The following ERLIN1 variants were observed in gnomAD, a reference collection of about 807,000 sequenced individuals.
ERLIN1 encodes ER lipid raft associated 1.
ERLIN1 carries 24 observed loss-of-function variants against 46.9 expected under a neutral mutation model. The ratio of observed to expected loss-of-function variants is 0.51; its 90% CI spans 0.37 to 0.72. ERLIN1 has a LOEUF of 0.72. ERLIN1 is among the 30% of genes least tolerant of loss of function. The probability of loss-of-function intolerance (pLI) is 0.00; values close to 1 mark genes in which losing one functional copy is unlikely to be tolerated. For missense variants in ERLIN1, 293 were observed against 417.9 expected, an observed-to-expected ratio of 0.70 and a Z score of 2.61; for synonymous variants, 158 against 143.2, an observed-to-expected ratio of 1.10 and a Z score of -0.74.
chr10:100,184,629 C>T (rs4919432), intron 1 of ERLIN1, among the ~76,000 whole-genome samples: 16,929 of 152,156 alleles, frequency 0.11, 1,363 homozygotes, highest in East Asian at 0.33. Context: ...TGAGTCATTC[C>T]TTGAAATGTC....
At chr10:100,172,707 AC>A (rs1187446650) in intron 6 of ERLIN1, among the ~76,000 whole-genome samples, 20 of 152,218 alleles carry the variant, frequency 1.3e-4, no homozygotes, top group Non-Finnish European at 1.5e-5. Context: ...AATTATTTGC[AC>A]ATATTGCTGT....
intron 2 of ERLIN1, among the ~76,000 whole-genome samples, chr10:100,181,340 CATATA>C (rs1275286382): frequency 2.0e-5 from 3 of 152,090 alleles, no homozygotes; most frequent in Non-Finnish European, 4.4e-5. Context: ...TGAAGGTTTT[CATATA>C]ATTTCTCCAT....
In ERLIN1 at chr10:100,175,974, G is replaced by C; in HGVS notation, c.401C>G (p.Thr134Arg). The change falls in exon 5 of 11, where the codon ACA becomes AGA. Residue 134 changes from threonine (T) to arginine (R), a missense_variant. Coordinates refer to ENST00000421367, the MANE Select transcript of ERLIN1 (RefSeq NM_006459.4). ...CAATTCAATGTAAACTTCCTGAAGT[G>C]TGTGGGCACTGCAGAACTGGTTCAG... is the stretch of plus-strand genomic sequence containing the variant. ...HELNQFCSAHTLQEVYIELFD... is the reference protein window; with the variant it reads ...HELNQFCSAHRLQEVYIELFD... The C allele has an allele frequency of 6.2e-7, 1 of 1,613,468 alleles. No homozygotes were observed. The highest frequency in any genetic ancestry group is 8.5e-7 in the Non-Finnish European group (1 of 1,179,540).
intron 8 of ERLIN1, 110 bp downstream of exon 8, chr10:100,163,894 A>G (rs921619634): frequency 4.4e-6 from 3 of 678,858 alleles, no homozygotes; most frequent in Non-Finnish European, 7.6e-6. Context: ...AGAATTCCCC[A>G]CTACCTATGA....
chr10:100,180,919 C>A (rs1844604906), intron 2 of ERLIN1, among the ~76,000 whole-genome samples: 1 of 152,008 alleles, frequency 6.6e-6, no homozygotes, highest in South Asian at 2.1e-4. Context: ...GCTGTCAATC[C>A]AGACATAATA....
intron 7 of ERLIN1, 147 bp downstream of exon 7, chr10:100,167,201 T>C: frequency 1.5e-6 from 1 of 668,262 alleles, no homozygotes; most frequent in Admixed American, 2.9e-5. Flanking sequence ...GACACAAGAA[T>C]AGGCAATATT....
rs1369544800 is a variant in ERLIN1 at position 100,150,920 on chromosome 10, G to C, written c.*1211C>G. ...AATTCACTGGCTGCCCAGGACGTCA[G>C]TGGAATCCTGATCTCCTGGGGGAGG... On this transcript the variant is annotated 3_prime_UTR_variant, in exon 11 of 11. Transcript: ENST00000421367. The C allele has an allele frequency of 2.0e-5, 3 of 152,238 alleles. No individual in the cohort carries two copies. The highest frequency in any genetic ancestry group is 4.4e-5 in the Non-Finnish European group (3 of 68,046). 9.4% of individuals were successfully genotyped at this position (152,238 alleles called of 1,614,324 possible). A position where few individuals can be genotyped will look rare whatever the true frequency, so the allele number is the denominator to read the frequency against.
Position 100,164,073 on chromosome 10 carries a change from G to T in ERLIN1, c.586C>A (p.Leu196Ile). Residue 196 changes from leucine (L) to isoleucine (I), a missense_variant, in exon 8 of 11, where the codon CTT (leucine) becomes ATT (isoleucine). Leu to Ile is a conservative substitution (Grantham distance 5, BLOSUM62 2). Transcript: ENST00000421367. Reference protein sequence around the residue: ...ELMEAEKTKLLIAAQKQKVVE... With the variant: ...ELMEAEKTKLIIAAQKQKVVE... ...ACCTTTTGTTTCTGTGCAGCTATAAGGAGTTTTGTCTTCTCAGCCTCCCTG... is the reference window on the plus strand; with the variant it reads ...ACCTTTTGTTTCTGTGCAGCTATAATGAGTTTTGTCTTCTCAGCCTCCCTG... 1.2e-6 allele frequency: 2 copies of T among 1,613,062 alleles called. No individual in the cohort carries two copies. Among genetic ancestry groups the T allele is most frequent in the Non-Finnish European group, 1.7e-6 (2 of 1,179,414 alleles).
At chr10:100,156,533 A>G (rs1035314162) in intron 8 of ERLIN1, among the ~76,000 whole-genome samples, 2 of 152,238 alleles carry the variant, frequency 1.3e-5, no homozygotes, top group Non-Finnish European at 2.9e-5. Context: ...TGGGAAAAAA[A>G]GATACTTTAT....
intron 8 of ERLIN1, among the ~76,000 whole-genome samples, chr10:100,160,077 G>C (rs1325679463): frequency 6.6e-6 from 1 of 152,008 alleles, no homozygotes; most frequent in Non-Finnish European, 1.5e-5. Flanking sequence ...TTTGGTAGAG[G>C]TTTTAAAAAT....
rs990076369 is a variant in ERLIN1 at position 100,186,000 on chromosome 10, G to A, written c.-374C>T. 1.6e-5 allele frequency: 7 copies of A among 425,004 alleles called. No homozygotes were observed. The highest frequency in any genetic ancestry group is 2.9e-5 in the Non-Finnish European group (7 of 242,376). The allele number at this position is 425,004 out of a possible 1,614,324, so 26.3% of individuals were successfully genotyped here. ...ATCGCCCCCGCCCGCACGTGCAGCC[G>A]ACTCCCGCGCCGAGCCAACCGCCGC... On this transcript the variant is annotated 5_prime_UTR_variant, in exon 1 of 11. Transcript: ENST00000421367.
chr10:100,156,404 AAT>A (rs1843084257), intron 8 of ERLIN1, among the ~76,000 whole-genome samples, 170 bp from the exon 9 acceptor site: 1 of 152,192 alleles, frequency 6.6e-6, no homozygotes, highest in African/African-American at 2.4e-5. Flanking sequence ...GAAAAAAGGG[AAT>A]TTATTTCCTA....
At chr10:100,156,734 C>T (rs1843100136) in intron 8 of ERLIN1, among the ~76,000 whole-genome samples, 1 of 152,102 alleles carries the variant, frequency 6.6e-6, no homozygotes, top group Admixed American at 6.5e-5. Context: ...CAAGAAGGGC[C>T]AGTCATGGTG....
chr10:100,185,455 A>T, intron 1 of ERLIN1, 59 bp downstream of exon 1: 3 of 1,315,182 alleles, frequency 2.3e-6, no homozygotes, highest in East Asian at 2.3e-5. Context: ...CCCAGACTCC[A>T]CTCTGGAGTA....
chr10:100,180,968 G>T (rs893173485), intron 2 of ERLIN1, among the ~76,000 whole-genome samples: 1 of 152,154 alleles, frequency 6.6e-6, no homozygotes, highest in African/African-American at 2.4e-5. Flanking sequence ...AAAATTCCAG[G>T]AGGGGAAAGA....
chr10:100,158,613 A>G (rs1843195817), intron 8 of ERLIN1, among the ~76,000 whole-genome samples: 2 of 152,232 alleles, frequency 1.3e-5, no homozygotes, highest in Non-Finnish European at 2.9e-5. Flanking sequence ...GTCAATCAAA[A>G]TAAGTGTTTA....
rs777987600 is a variant in ERLIN1 at position 100,176,108 on chromosome 10, C to A, written c.305-38G>T. On this transcript the variant is annotated intron_variant, in intron 4 of 10. Coordinates refer to ENST00000421367, the MANE Select transcript of ERLIN1 (RefSeq NM_006459.4). ...TACAACCCATGTTTGTTTTACCCAA[C>A]AATGACACAGGTACCTTCAAATTCA... 1.3e-6 allele frequency: 2 copies of A among 1,584,868 alleles called. 1 individual carries two copies. Among genetic ancestry groups the A allele is most frequent in the South Asian group, 2.3e-5 (2 of 86,268 alleles).
At chr10:100,185,144 T>C (rs1277533257) in intron 1 of ERLIN1, among the ~76,000 whole-genome samples, 3 of 151,984 alleles carry the variant, frequency 2.0e-5, no homozygotes, top group Non-Finnish European at 4.4e-5. Flanking sequence ...GAAACAACCA[T>C]AAACATACAG....
intron 8 of ERLIN1, among the ~76,000 whole-genome samples, chr10:100,157,593 G>C (rs1843143732): frequency 6.6e-6 from 1 of 152,104 alleles, no homozygotes; most frequent in South Asian, 2.1e-4. Flanking sequence ...CCATAAAACA[G>C]TATGCTTTAC....
Sources: allele counts gnomAD v4.1 joint callset (sites outside exome capture counted in the v4.1 genomes callset), GRCh38; gene constraint gnomAD v4.1.1; transcripts MANE v1.5; gene names NCBI Gene and HGNC (gene_info 2026-07-23, HGNC 2026-07-21).